The following INTS7 variants were observed in gnomAD, a reference collection of about 807,000 sequenced individuals.
The protein encoded by INTS7 is chromosome 1 open reading frame 73.
A neutral mutation model predicts 109.2 loss-of-function variants in INTS7; 46 were observed. The observed-to-expected ratio is 0.42, with a 90% CI of 0.33 to 0.54. The LOEUF (loss-of-function observed/expected upper bound fraction) is 0.54. Ranked by LOEUF, INTS7 falls within the 20% of genes least tolerant of loss-of-function variation. INTS7 has a pLI of 0.07. For missense variants in INTS7, 929 were observed against 1,132.4 expected, an observed-to-expected ratio of 0.82 and a Z score of 2.58; for synonymous variants, 412 against 402.9, an observed-to-expected ratio of 1.02 and a Z score of -0.27.
At chr1:211,979,550 C>T (rs1347596982) in intron 10 of INTS7, among the ~76,000 whole-genome samples, 2 of 152,154 alleles carry the variant, frequency 1.3e-5, no homozygotes, top group African/African-American at 2.4e-5. Flanking sequence ...ATAATAATTA[C>T]GACAAAGGTT....
At chr1:212,035,223 G>C (rs1203126995) in intron 1 of INTS7, 121 bp downstream of exon 1, 1 of 707,766 alleles carries the variant, frequency 1.4e-6, no homozygotes, top group East Asian at 2.7e-5. Context: ...AAGCACAGGC[G>C]CTCCCCGCCC....
intron 7 of INTS7, among the ~76,000 whole-genome samples, chr1:211,993,034 C>T (rs1665212543): frequency 2.6e-5 from 4 of 152,220 alleles, no homozygotes; most frequent in Admixed American, 2.6e-4. Context: ...ATAGGGGCTT[C>T]TCCTACACCC....
chr1:212,020,509 G>C (rs566135993), intron 2 of INTS7, among the ~76,000 whole-genome samples: 3 of 152,254 alleles, frequency 2.0e-5, no homozygotes, highest in South Asian at 2.1e-4. Flanking sequence ...AGAAGACCTA[G>C]AGCAGAACTA....
chr1:211,975,100 C>G (rs1664360718), intron 13 of INTS7, 66 bp downstream of exon 13: 1 of 1,149,800 alleles, frequency 8.7e-7, no homozygotes, highest in Non-Finnish European at 1.3e-6. Flanking sequence ...TAGGACAATC[C>G]AAAAAGAGAA....
intron 16 of INTS7, among the ~76,000 whole-genome samples, chr1:211,961,221 A>G (rs1663611005): frequency 3.3e-5 from 5 of 152,078 alleles, no homozygotes; most frequent in Non-Finnish European, 7.4e-5. Context: ...ATTCAAATTC[A>G]GGAACTGCAG....
chr1:211,962,035 C>T (rs1464699732), intron 16 of INTS7, among the ~76,000 whole-genome samples: 1 of 152,020 alleles, frequency 6.6e-6, no homozygotes, highest in African/African-American at 2.4e-5. Context: ...TCAATACTAA[C>T]CTTTAATGTA....
intron 5 of INTS7, among the ~76,000 whole-genome samples, chr1:212,010,102 A>C (rs1185366355): frequency 6.6e-6 from 1 of 152,246 alleles, no homozygotes; most frequent in Non-Finnish European, 1.5e-5. Context: ...ACTGTGAACC[A>C]ATCATTCAGC....
At chr1:212,031,396 A>G (rs979562053) in intron 1 of INTS7, among the ~76,000 whole-genome samples, 3 of 152,120 alleles carry the variant, frequency 2.0e-5, no homozygotes, top group Admixed American at 1.3e-4. Flanking sequence ...AGTAATGATC[A>G]TATCATGAAA....
At chr1:211,956,291 G>A (rs1224372258) in intron 16 of INTS7, among the ~76,000 whole-genome samples, 1 of 152,094 alleles carries the variant, frequency 6.6e-6, no homozygotes, top group Non-Finnish European at 1.5e-5. Flanking sequence ...TTTATATTAA[G>A]TCTTGAAACC....
chr1:211,981,047 G>T, intron 10 of INTS7, 46 bp downstream of exon 10: 1 of 1,208,466 alleles, frequency 8.3e-7, no homozygotes, highest in South Asian at 1.3e-5. Flanking sequence ...TATTGCCTAA[G>T]ACCATCATAT....
intron 7 of INTS7, among the ~76,000 whole-genome samples, chr1:211,999,490 T>C (rs1665565468): frequency 6.6e-6 from 1 of 152,158 alleles, no homozygotes. Context: ...CAGAAACTTC[T>C]GGGGGTAATG....
chr1:211,959,547 T>C lies in INTS7; in HGVS notation c.2184-6846A>G, dbSNP rs1174289533. Among the ~76,000 whole-genome samples the C allele has an allele frequency of 2.0e-5, 3 of 152,136 alleles. No homozygotes were observed. Among genetic ancestry groups the C allele is most frequent in the Admixed American group, 6.5e-5 (1 of 15,276 alleles). On this transcript the variant is annotated intron_variant, in intron 16 of 19. Transcript: ENST00000366994. The surrounding 1 kb of genome is among the most constrained non-coding windows in gnomAD (Gnocchi z 4.2). ...GCCCATGGCCACCCTCGACATTGCT[T>C]TGCCTGCGTGTGCATGGGCAGATCT...
At chr1:211,985,642 G>A (rs1664862698) in intron 8 of INTS7, among the ~76,000 whole-genome samples, 1 of 152,134 alleles carries the variant, frequency 6.6e-6, no homozygotes, top group Non-Finnish European at 1.5e-5. Context: ...AGTCAGTTTG[G>A]TACAAAAAAG....
At chr1:211,985,239 T>C (rs1036124085) in intron 8 of INTS7, among the ~76,000 whole-genome samples, 1 of 152,222 alleles carries the variant, frequency 6.6e-6, no homozygotes, top group African/African-American at 2.4e-5. Context: ...TTATTTCAAG[T>C]GTTGTTTTAA....
Position 211,959,759 on chromosome 1 carries a change from A to G in INTS7, c.2183+6671T>C, listed in dbSNP as rs780108751. On this transcript the variant is annotated intron_variant, in intron 16 of 19. Coordinates refer to ENST00000366994, the MANE Select transcript of INTS7 (RefSeq NM_015434.4). This position sits in a 1 kb window ranked among gnomAD's most constrained non-coding sequence, Gnocchi z 4.2. Reference sequence around the variant, plus strand: ...GCCCTAAGTGGCTACCTCCACCTACATAAGAGGGCACACACAGTTCTGTGT... The same window carrying G: ...GCCCTAAGTGGCTACCTCCACCTACGTAAGAGGGCACACACAGTTCTGTGT... Among the ~76,000 whole-genome samples, 1 of 152,122 alleles carries G rather than the reference A, an allele frequency of 6.6e-6. No homozygotes were observed. Among genetic ancestry groups the G allele is most frequent in the Non-Finnish European group, 1.5e-5 (1 of 68,012 alleles).
At chr1:212,011,651 G>T in intron 4 of INTS7, 1 of 474,324 alleles carries the variant, frequency 2.1e-6, no homozygotes, top group East Asian at 3.3e-5. Flanking sequence ...AGCTCACTTA[G>T]GCCATTACCA....
At chr1:211,949,552 C>G (rs1393647418) in intron 17 of INTS7, among the ~76,000 whole-genome samples, 1 of 152,152 alleles carries the variant, frequency 6.6e-6, no homozygotes, top group East Asian at 1.9e-4. Context: ...TTTTCTCATT[C>G]CTACTGCCAT....
intron 7 of INTS7, among the ~76,000 whole-genome samples, chr1:212,005,544 T>G (rs1571897394): frequency 6.6e-6 from 1 of 152,214 alleles, no homozygotes; most frequent in Non-Finnish European, 1.5e-5. Context: ...GTATGTATGA[T>G]CTATCTCACA....
intron 15 of INTS7, among the ~76,000 whole-genome samples, chr1:211,967,125 G>T (rs1394684005): frequency 6.6e-6 from 1 of 152,120 alleles, no homozygotes; most frequent in African/African-American, 2.4e-5. Flanking sequence ...AAAGTGATTT[G>T]AAGTTGCTAA....
Sources: gnomAD v4.1 joint callset for allele counts (sites outside exome capture counted in the v4.1 genomes callset) on GRCh38, gnomAD v4.1.1 for gene constraint, Gnocchi (gnomAD v3.1) non-coding constraint, MANE v1.5 for transcripts, NCBI Gene and HGNC (gene_info 2026-07-23, HGNC 2026-07-21) for gene names.